Variants in CFAP46 observed in about 807,000 individuals in gnomAD.
The protein encoded by CFAP46 is cilia and flagella associated protein 46.
In CFAP46, 245 loss-of-function variants were observed where a neutral mutation model predicts 325.7. The observed-to-expected ratio is 0.75, with a 90% confidence interval of 0.68 to 0.84. The LOEUF (loss-of-function observed/expected upper bound fraction) is 0.84, where lower values mean the gene tolerates loss of function less well. Among genes scored for constraint, CFAP46 ranks in the 40% least tolerant of loss-of-function variants. The pLI, the probability that CFAP46 is intolerant of heterozygous loss-of-function variation, is 0.00. For synonymous variants in CFAP46, 1,523 were observed against 1,495.9 expected, an observed-to-expected ratio of 1.02 and a Z score of -0.42; for missense variants, 3,346 against 3,543.0, an observed-to-expected ratio of 0.94 and a Z score of 1.41.
chr10:132,897,435 C>T lies in CFAP46; in HGVS notation c.3219+1524G>A, dbSNP rs538862755. ...TCCGTCTGCTACGGCCCTCACTGTC[C>T]GTGGGCTCTCCCTTCACAGGCCCCG... On this transcript the variant is annotated intron_variant, in intron 24 of 57. Coordinates refer to ENST00000368586, the MANE Select transcript of CFAP46 (RefSeq NM_001200049.3). Among the ~76,000 whole-genome samples the T allele has an allele frequency of 1.8e-3, 274 of 152,338 alleles. 1 individual carries two copies. The highest frequency in any genetic ancestry group is 3.4e-3 in the Non-Finnish European group (229 of 68,028).
intron 17 of CFAP46, 51 bp from the exon 18 acceptor site, chr10:132,913,309 G>T: frequency 7.6e-7 from 1 of 1,317,934 alleles, no homozygotes; most frequent in Non-Finnish European, 1.0e-6. Context: ...CAGCCCCGGG[G>T]CCAGGCACCA....
chr10:132,924,649 A>G, intron 11 of CFAP46, 47 bp downstream of exon 11: 2 of 1,403,002 alleles, frequency 1.4e-6, no homozygotes, highest in Non-Finnish European at 1.9e-6. Flanking sequence ...GTCTCCTCCT[A>G]TGCGCCACGC....
Position 132,918,410 on chromosome 10 carries a change from C to G in CFAP46, c.1969G>C (p.Gly657Arg), listed in dbSNP as rs1401768408. Reference sequence around the variant, plus strand: ...TGACGCACCTCAGCATGGATGAACCCCACCTCCGCGAACTTCCGCAGCAGG... The same window carrying G: ...TGACGCACCTCAGCATGGATGAACCGCACCTCCGCGAACTTCCGCAGCAGG... ...PDLLRKFAEVGFIHAEATVHL... is the reference protein window; with the variant it reads ...PDLLRKFAEVRFIHAEATVHL... The change falls in exon 16 of 58, where the codon GGG becomes CGG. Residue 657 changes from glycine to arginine, a missense_variant. Gly to Arg is a moderately radical substitution (Grantham distance 125). Transcript: ENST00000368586. 2.6e-6 allele frequency: 4 copies of G among 1,548,800 alleles called. No homozygotes were observed. Among genetic ancestry groups the G allele is most frequent in the Non-Finnish European group, 3.5e-6 (4 of 1,146,018 alleles).
chr10:132,940,222 T>G (rs149308059), intron 4 of CFAP46, among the ~76,000 whole-genome samples: 5 of 152,114 alleles, frequency 3.3e-5, no homozygotes, highest in African/African-American at 1.2e-4. Flanking sequence ...CCGATGTGGG[T>G]AGAACAGACC....
intron 22 of CFAP46, among the ~76,000 whole-genome samples, chr10:132,905,675 G>A (rs552926499): frequency 7.2e-5 from 11 of 152,234 alleles, no homozygotes; most frequent in Non-Finnish European, 2.9e-5. Context: ...GGTGGCTGCT[G>A]AGAAGGTTGG....
intron 20 of CFAP46, among the ~76,000 whole-genome samples, chr10:132,909,537 G>A (rs1171897390): frequency 6.6e-6 from 1 of 152,174 alleles, no homozygotes; most frequent in Non-Finnish European, 1.5e-5. Flanking sequence ...GCTGGGGCAG[G>A]CAGGTCAACA....
chr10:132,936,996 G>C lies in CFAP46; in HGVS notation c.720C>G (p.Ser240Arg), dbSNP rs200878423. The C allele has an allele frequency of 1.3e-5, 20 of 1,544,920 alleles. No individual in the cohort carries two copies. Among genetic ancestry groups the C allele is most frequent in the Non-Finnish European group, 1.6e-5 (18 of 1,136,138 alleles). Residue 240 changes from serine to arginine, a missense_variant, in exon 7 of 58, where the codon AGC becomes AGG. Coordinates refer to ENST00000368586, the MANE Select transcript of CFAP46 (RefSeq NM_001200049.3). ...TATTAATATAGAAAGTGACTGACAGGCTAATGGAATTTTTCTTTTCTTCCT... is the reference window on the plus strand; with the variant it reads ...TATTAATATAGAAAGTGACTGACAGCCTAATGGAATTTTTCTTTTCTTCCT... ...QLKEEKKNSI[S>R]LSVTFYINML...
At chr10:132,838,133 G>A (rs949276740) in intron 44 of CFAP46, among the ~76,000 whole-genome samples, 2 of 152,224 alleles carry the variant, frequency 1.3e-5, no homozygotes, top group East Asian at 1.9e-4. Context: ...GTCCGCTCCC[G>A]TGGACTATGA....
At chr10:132,849,930 C>G (rs1848507417) in intron 41 of CFAP46, among the ~76,000 whole-genome samples, 1 of 152,298 alleles carries the variant, frequency 6.6e-6, no homozygotes, top group Admixed American at 6.5e-5. Context: ...CGTTGCTCCA[C>G]GCTCGCCAGC....
intron 57 of CFAP46, among the ~76,000 whole-genome samples, chr10:132,809,405 C>T (rs1343392889): frequency 1.3e-5 from 2 of 152,254 alleles, no homozygotes; most frequent in Non-Finnish European, 2.9e-5. Flanking sequence ...ATCACGGCGG[C>T]ATCCGTGTCT....
At chr10:132,848,874 G>T (rs1345394272) in intron 41 of CFAP46, among the ~76,000 whole-genome samples, 1 of 152,194 alleles carries the variant, frequency 6.6e-6, no homozygotes, top group African/African-American at 2.4e-5. Context: ...CTTAGACAAC[G>T]TGACCAGCAA....
intron 8 of CFAP46, among the ~76,000 whole-genome samples, chr10:132,931,799 CTCCCCACACAGAGCCTGGGCCTTCCTCT>C (rs1285134305): frequency 2.8e-5 from 4 of 141,462 alleles, no homozygotes; most frequent in African/African-American, 7.9e-5. Context: ...GACCTTCCTC[CTCCCCACACAGAGCCTGGGCCTTCCTCT>C]TCCCCACACA....
intron 50 of CFAP46, among the ~76,000 whole-genome samples, chr10:132,815,935 G>A (rs534740820): frequency 1.1e-4 from 17 of 152,170 alleles, no homozygotes; most frequent in Non-Finnish European, 2.1e-4. Flanking sequence ...TTACTGGGGA[G>A]ATTTATCTAA....
At chr10:132,898,056 G>A (rs1190505281) in intron 24 of CFAP46, among the ~76,000 whole-genome samples, 12 of 152,318 alleles carry the variant, frequency 7.9e-5, no homozygotes, top group South Asian at 2.1e-4. Flanking sequence ...GAAGGGCCCC[G>A]TTTTGTGGGT....
rs930707935 is a variant in CFAP46, at chr10:132,827,218, C to G, written c.7117+6140G>C. On this transcript the variant is annotated intron_variant, in intron 50 of 57. Transcript: ENST00000368586. The surrounding 1 kb of genome is among the most constrained non-coding windows in gnomAD (Gnocchi z 5.7). ...CCACACGGTGCTCGTCAGGGGAAGG[C>G]AGGAGGGCGGCCGGAGGGACCAGCC... Among the ~76,000 whole-genome samples the G allele has an allele frequency of 3.9e-5, 6 of 152,022 alleles. No individual in the cohort carries two copies. The highest frequency in any genetic ancestry group is 7.2e-5 in the African/African-American group (3 of 41,418).
Position 132,832,520 on chromosome 10 carries a change from C to T in CFAP46, c.7117+838G>A, listed in dbSNP as rs984671162. On this transcript the variant is annotated intron_variant, in intron 50 of 57. Coordinates refer to ENST00000368586, the MANE Select transcript of CFAP46 (RefSeq NM_001200049.3). This position sits in a 1 kb window ranked among gnomAD's most constrained non-coding sequence, Gnocchi z 4.1. ...GACTGCTCGTCAATGTTTGAAAACC[C>T]TCATTTCATGTGCTTTTCTCTGGTT... 1.6e-5 allele frequency: 5 copies of T among 322,462 alleles called. No individual in the cohort carries two copies. Among genetic ancestry groups the T allele is most frequent in the Non-Finnish European group, 2.5e-5 (4 of 160,886 alleles). The allele number at this position is 322,462 out of a possible 1,614,324, so 20.0% of individuals were successfully genotyped here.
rs969722723 is a variant in CFAP46, at chr10:132,885,949, G to A, written c.3315C>T (p.Asp1105=). ...TEGYFLPGAE[D]DLALRAALYG... is the part of the protein sequence containing the mutation. ...AGAGCGCAGCACGGAGCGCCAGGTC[G>A]TCCTCAGCCCCTGGGAGGGAGAAGG... is the stretch of plus-strand genomic sequence containing the variant. The change falls in exon 26 of 58, where the codon GAC becomes GAT. Residue 1105 remains aspartate, a synonymous_variant. Transcript: ENST00000368586. The A allele has an allele frequency of 2.2e-5, 34 of 1,549,898 alleles. No homozygotes were observed. Among genetic ancestry groups the A allele is most frequent in the Middle Eastern group, 1.7e-4 (1 of 5,998 alleles).
rs1591091488 is a variant in CFAP46, at chr10:132,919,944, C to T, written c.1730+115G>A. On this transcript the variant is annotated intron_variant, in intron 14 of 57. Transcript: ENST00000368586. This position sits in a 1 kb window ranked among gnomAD's most constrained non-coding sequence, Gnocchi z 9.7. ...CACCATCCTGGAGCAGGTGGCCTGG[C>T]GAGTCCCCAGACGGCCACATGCAGG... 10 of 1,330,932 alleles carry T rather than the reference C, an allele frequency of 7.5e-6. No homozygotes were observed. In the East Asian group the frequency reaches 8.3e-5, roughly 11 times the overall value. The allele number at this position is 1,330,932 out of a possible 1,614,324, so 82.4% of individuals were successfully genotyped here.
intron 19 of CFAP46, among the ~76,000 whole-genome samples, chr10:132,911,167 G>A (rs1416298813): frequency 6.6e-6 from 1 of 152,170 alleles, no homozygotes; most frequent in Non-Finnish European, 1.5e-5. Flanking sequence ...ATCCCTGTAG[G>A]TCCCCGGAGC....
Sources: allele counts gnomAD v4.1 joint callset (sites outside exome capture counted in the v4.1 genomes callset), GRCh38; gene constraint gnomAD v4.1.1; non-coding constraint Gnocchi (gnomAD v3.1); transcripts MANE v1.5; gene names NCBI Gene and HGNC (gene_info 2026-07-23, HGNC 2026-07-21).